Variants in PPP1R12B observed in about 807,000 individuals in gnomAD.
PPP1R12B encodes the protein protein phosphatase 1 regulatory subunit 12B, also known as myosin phosphatase target subunit 2.
A neutral mutation model predicts 126.1 loss-of-function variants in PPP1R12B; 76 were observed. The observed-to-expected ratio is 0.60, with a 90% CI of 0.50 to 0.73. The LOEUF (loss-of-function observed/expected upper bound fraction) is 0.73. PPP1R12B is among the 30% of genes least tolerant of loss of function. The probability of loss-of-function intolerance (pLI) is 0.00; values close to 1 mark genes in which losing one functional copy is unlikely to be tolerated. For synonymous variants in PPP1R12B, 356 were observed against 434.7 expected, an observed-to-expected ratio of 0.82 and a Z score of 2.25; for missense variants, 1,052 against 1,205.1, an observed-to-expected ratio of 0.87 and a Z score of 1.88.
At chr1:202,408,843 CTTTTT>C (rs35632865) in intron 1 of PPP1R12B, among the ~76,000 whole-genome samples, 1 of 113,334 alleles carries the variant, frequency 8.8e-6, no homozygotes, top group Non-Finnish European at 1.8e-5. Context: ...TTATTTCTTT[CTTTTT>C]TTTTTTTTTT....
At chr1:202,383,485 A>C (rs1395105256) in intron 1 of PPP1R12B, among the ~76,000 whole-genome samples, 1 of 152,158 alleles carries the variant, frequency 6.6e-6, no homozygotes, top group Non-Finnish European at 1.5e-5. Flanking sequence ...GCGCTTTGGG[A>C]GGCTGAGGCA....
intron 18 of PPP1R12B, among the ~76,000 whole-genome samples, chr1:202,540,886 C>T (rs576708067): frequency 6.6e-6 from 1 of 152,282 alleles, no homozygotes; most frequent in African/African-American, 2.4e-5. Context: ...CCATTGACAA[C>T]CAGCTGTATG....
At position 202,474,156 on chromosome 1, in the gene PPP1R12B, G is replaced by A. The variant is rs1356210998; in HGVS notation, c.1851-14377G>A. ...AAGGTGGGAACCCCAGCATTATATCGTACTACTTAAAGTACCACATATAAA... is the reference window on the plus strand; with the variant it reads ...AAGGTGGGAACCCCAGCATTATATCATACTACTTAAAGTACCACATATAAA... On this transcript the variant is annotated intron_variant, in intron 13 of 23. Transcript: ENST00000608999. Among the ~76,000 whole-genome samples the A allele has an allele frequency of 9.9e-5, 15 of 152,172 alleles. 1 individual carries two copies. Among genetic ancestry groups the A allele is most frequent in the South Asian group, 8.3e-4 (4 of 4,816 alleles).
At chr1:202,524,309 A>G (rs1489230484) in intron 18 of PPP1R12B, among the ~76,000 whole-genome samples, 2 of 152,218 alleles carry the variant, frequency 1.3e-5, no homozygotes, top group African/African-American at 4.8e-5. Flanking sequence ...ATCAACTGAC[A>G]TGGGGTAGGC....
rs189532128 is a variant in PPP1R12B, at chr1:202,519,606, C to G, written c.2490+22784C>G. ...AAATTATTAATCCACTCTTAACTTC[C>G]ATTTAGTGGAACTCCAATTTTATTC... On this transcript the variant is annotated intron_variant, in intron 18 of 23. Transcript: ENST00000608999. Among the ~76,000 whole-genome samples the G allele has an allele frequency of 2.0e-5, 3 of 152,260 alleles. No individual in the cohort carries two copies. In the East Asian group the frequency reaches 5.8e-4, roughly 29 times the overall value.
At position 202,437,848 on chromosome 1, in the gene PPP1R12B, G is replaced by C; in HGVS notation, c.1282G>C (p.Glu428Gln). ...RFSSGLFNKP[E>Q]EPKDESPSSW... ...CTCTTCTGGCCTTTTTAACAAGCCA[G>C]AAGAGCCCAAAGATGAATCTCCTTC... Residue 428 changes from glutamate (E) to glutamine (Q), a missense_variant, in exon 10 of 24, where the codon GAA becomes CAA. Transcript: ENST00000608999. The C allele has an allele frequency of 1.9e-6, 3 of 1,613,652 alleles. No individual in the cohort carries two copies. Among genetic ancestry groups the C allele is most frequent in the Non-Finnish European group, 2.5e-6 (3 of 1,179,654 alleles).
chr1:202,421,684 G>C (rs1668807965), intron 2 of PPP1R12B, among the ~76,000 whole-genome samples: 1 of 151,762 alleles, frequency 6.6e-6, no homozygotes, highest in African/African-American at 2.4e-5. Flanking sequence ...ATATAGTAGG[G>C]GTCCAGTAAA....
At chr1:202,455,167 C>G (rs1314673662) in intron 13 of PPP1R12B, among the ~76,000 whole-genome samples, 5 of 151,352 alleles carry the variant, frequency 3.3e-5, no homozygotes, top group Admixed American at 1.3e-4. Flanking sequence ...TAGGATGAAG[C>G]TTGAGGAGTA....
intron 6 of PPP1R12B, 50 bp from the exon 7 acceptor site, chr1:202,430,681 T>C: frequency 6.2e-7 from 1 of 1,601,636 alleles, no homozygotes; most frequent in Non-Finnish European, 8.5e-7. Flanking sequence ...TGCTGATTTT[T>C]CACCAATAGT....
chr1:202,558,146 A>T (rs1330061774), intron 18 of PPP1R12B, among the ~76,000 whole-genome samples: 4 of 152,154 alleles, frequency 2.6e-5, no homozygotes, highest in African/African-American at 9.7e-5. Flanking sequence ...TTAAAAAAAA[A>T]AAAAGGGATA....
chr1:202,351,287 T>A (rs1457403425), intron 1 of PPP1R12B, among the ~76,000 whole-genome samples: 1 of 104,280 alleles, frequency 9.6e-6, no homozygotes, highest in African/African-American at 3.6e-5. Flanking sequence ...CAGGCTGGAG[T>A]ACAGTGGTGC....
chr1:202,459,960 A>C (rs988674167), intron 13 of PPP1R12B, among the ~76,000 whole-genome samples: 10 of 152,238 alleles, frequency 6.6e-5, no homozygotes, highest in Non-Finnish European at 1.5e-4. Flanking sequence ...AGCTGTTGGC[A>C]GATAGCTCTG....
rs1286030509 is a variant in PPP1R12B at position 202,419,941 on chromosome 1, A to G, written c.423-2679A>G. Among the ~76,000 whole-genome samples the G allele has an allele frequency of 6.6e-6, 1 of 152,222 alleles. No individual in the cohort carries two copies. Among genetic ancestry groups the G allele is most frequent in the African/African-American group, 2.4e-5 (1 of 41,458 alleles). On this transcript the variant is annotated intron_variant, in intron 2 of 23. Coordinates refer to ENST00000608999, the MANE Select transcript of PPP1R12B (RefSeq NM_002481.4). The surrounding 1 kb of genome is among the most constrained non-coding windows in gnomAD (Gnocchi z 4.6). ...AGCATGGTCACATTCCTGAATTCAC[A>G]TGTTGCCAGAGAAAAGGAGCAAGTA...
chr1:202,394,439 G>A (rs1309599572), intron 1 of PPP1R12B, among the ~76,000 whole-genome samples: 2 of 151,968 alleles, frequency 1.3e-5, no homozygotes, highest in Admixed American at 1.3e-4. Flanking sequence ...AATATACTCT[G>A]TGTTACTAGA....
chr1:202,555,326 A>AAG (rs1686789921), intron 18 of PPP1R12B, among the ~76,000 whole-genome samples: 1 of 37,676 alleles, frequency 2.7e-5, no homozygotes, highest in African/African-American at 9.1e-5. Context: ...TGTTTTAATG[A>AAG]AAAAAAAAAA....
chr1:202,446,544 C>T (rs1183353473), intron 12 of PPP1R12B, among the ~76,000 whole-genome samples: 3 of 148,204 alleles, frequency 2.0e-5, no homozygotes, highest in Non-Finnish European at 4.5e-5. Context: ...CAGGCGAGAG[C>T]CACTGCACCC....
At position 202,434,675 on chromosome 1, in the gene PPP1R12B, T is replaced by C; in HGVS notation, c.1161T>C (p.Phe387=). ...TAACAGATAAAAAGCCAGAAGCCTT[T>C]GTCAATCATTCCAACTCTGAAAGCA... ...EKEADKKPEA[F]VNHSNSESKS... The change falls in exon 9 of 24, where the codon TTT becomes TTC. Residue 387 remains phenylalanine (F), a synonymous_variant. Transcript: ENST00000608999. 6.2e-7 allele frequency: 1 copy of C among 1,612,286 alleles called. No homozygotes were observed. Among genetic ancestry groups the C allele is most frequent in the Non-Finnish European group, 8.5e-7 (1 of 1,179,560 alleles).
intron 18 of PPP1R12B, among the ~76,000 whole-genome samples, chr1:202,556,182 G>A (rs497824): frequency 0.031 from 4,662 of 152,192 alleles, 192 homozygotes; most frequent in African/African-American, 0.096. Context: ...GGCCTAATAC[G>A]ATATTCTTAC....
At chr1:202,511,958 A>G (rs763368845) in intron 18 of PPP1R12B, among the ~76,000 whole-genome samples, 1 of 152,066 alleles carries the variant, frequency 6.6e-6, no homozygotes. Flanking sequence ...CCAAGTTGAG[A>G]TGTCAAGTAG....
Sources: allele counts gnomAD v4.1 joint callset (sites outside exome capture counted in the v4.1 genomes callset), GRCh38; gene constraint gnomAD v4.1.1; non-coding constraint Gnocchi (gnomAD v3.1); transcripts MANE v1.5; gene names NCBI Gene and HGNC (gene_info 2026-07-23, HGNC 2026-07-21).